RASSF5: variants seen among roughly 807,000 people sequenced by gnomAD.
The protein encoded by RASSF5 is Ras association domain family member 5, also known as ras association domain-containing protein 5.
RASSF5 carries 25 observed loss-of-function variants against 40.5 expected under a neutral mutation model. The ratio of observed to expected loss-of-function variants is 0.62; its 90% CI spans 0.45 to 0.86. RASSF5 has a LOEUF of 0.86. RASSF5 is among the 40% of genes least tolerant of loss of function. RASSF5 has a pLI of 0.00. For missense variants in RASSF5, 521 were observed against 572.8 expected (o/e 0.91, Z 0.92); for synonymous variants, 246 against 252.4 (o/e 0.97, Z 0.24).
rs915301794 is a variant in RASSF5 at position 206,531,502 on chromosome 1, G to A, written c.458-6670G>A. 7.9e-5 allele frequency among the ~76,000 whole-genome samples: 12 copies of A among 152,202 alleles called. No individual in the cohort carries two copies. Among genetic ancestry groups the A allele is most frequent in the African/African-American group, 2.7e-4 (11 of 41,460 alleles). On this transcript the variant is annotated intron_variant, in intron 1 of 5. Coordinates refer to ENST00000579436, the MANE Select transcript of RASSF5 (RefSeq NM_182663.4). This position sits in a 1 kb window ranked among gnomAD's most constrained non-coding sequence, Gnocchi z 4.7. The stretch of plus-strand genomic sequence containing the variant: ...AGGCTGCAGGGTGAGGGTGCAGGGG[G>A]CTGGAGGTGGTGGAGCTGCCCTGGG...
At chr1:206,581,881 AG>A (rs1302068204) in intron 2 of RASSF5, among the ~76,000 whole-genome samples, 1 of 151,744 alleles carries the variant, frequency 6.6e-6, no homozygotes, top group African/African-American at 2.4e-5. Context: ...TCTGTCACGG[AG>A]GGGGGGCCCT....
chr1:206,586,688 G>T (rs923691645), intron 5 of RASSF5, 138 bp from the exon 6 acceptor site: 1 of 712,314 alleles, frequency 1.4e-6, no homozygotes, highest in Admixed American at 2.3e-5. Context: ...CGCTGATTCA[G>T]TCTGTTCAGT....
intron 1 of RASSF5, among the ~76,000 whole-genome samples, chr1:206,526,032 A>G (rs1667088006): frequency 6.6e-6 from 1 of 152,072 alleles, no homozygotes; most frequent in Non-Finnish European, 1.5e-5. Context: ...CTGCTTCCAT[A>G]AAGCCCTCCA....
At chr1:206,575,971 C>G (rs888890360) in intron 2 of RASSF5, among the ~76,000 whole-genome samples, 2 of 152,154 alleles carry the variant, frequency 1.3e-5, no homozygotes, top group Non-Finnish European at 2.9e-5. Flanking sequence ...GCCTGAGACT[C>G]CCCAGGCTGT....
rs1300007942 is a variant in RASSF5, at chr1:206,531,637, G to A, written c.458-6535G>A. Among the ~76,000 whole-genome samples the A allele has an allele frequency of 1.3e-5, 2 of 152,180 alleles. No individual in the cohort carries two copies. The highest frequency in any genetic ancestry group is 2.9e-5 in the Non-Finnish European group (2 of 68,028). ...GGGCAACACCCAGTGGAAAAATGGG[G>A]GATTCTTAAAGGAGAATCCCCTTGA... On this transcript the variant is annotated intron_variant, in intron 1 of 5. Transcript: ENST00000579436. This position sits in a 1 kb window ranked among gnomAD's most constrained non-coding sequence, Gnocchi z 4.7.
At chr1:206,526,516 A>G (rs1667101653) in intron 1 of RASSF5, among the ~76,000 whole-genome samples, 1 of 152,174 alleles carries the variant, frequency 6.6e-6, no homozygotes, top group Admixed American at 6.5e-5. Flanking sequence ...GGGAGTTTCC[A>G]TTCCCTTGCT....
intron 2 of RASSF5, chr1:206,543,586 TG>T (rs1667601860): frequency 6.6e-6 from 1 of 151,370 alleles, no homozygotes; most frequent in African/African-American, 2.5e-5. Flanking sequence ...TGTGTGTGTG[TG>T]TGTGTAAATG....
intron 1 of RASSF5, among the ~76,000 whole-genome samples, chr1:206,523,638 TATATA>T (rs1468679466): frequency 2.9e-5 from 3 of 102,072 alleles, no homozygotes; most frequent in African/African-American, 3.9e-5. Context: ...AAATATATTA[TATATA>T]ATATATTTAT....
chr1:206,529,258 C>A, intron 1 of RASSF5: 2 of 1,146,088 alleles, frequency 1.7e-6, no homozygotes, highest in Non-Finnish European at 1.3e-6. Context: ...TTGGCCCAGG[C>A]TGAGAAGAGA....
intron 1 of RASSF5, among the ~76,000 whole-genome samples, chr1:206,536,763 G>C (rs1322974452): frequency 6.6e-6 from 1 of 152,150 alleles, no homozygotes; most frequent in South Asian, 2.1e-4. Context: ...ATCAAGTCCA[G>C]GCTGTCACGA....
chr1:206,580,351 C>T (rs1444258488), intron 2 of RASSF5, among the ~76,000 whole-genome samples: 5 of 152,186 alleles, frequency 3.3e-5, no homozygotes, highest in Non-Finnish European at 7.3e-5. Flanking sequence ...AATTTTCTTT[C>T]CATTACTTAT....
In RASSF5 at chr1:206,540,628, A is replaced by G. The variant is rs551563727; in HGVS notation, c.579+2335A>G. Among the ~76,000 whole-genome samples the G allele has an allele frequency of 3.3e-5, 5 of 152,336 alleles. No individual in the cohort carries two copies. The South Asian group carries it at 1.0e-3, about 32-fold the overall frequency. ...TGGGGCAGGACCCAGCCCTCTATCA[A>G]TAAAACCTGGGCCCTGCTCCAGGCC... On this transcript the variant is annotated intron_variant, in intron 2 of 5. Coordinates refer to ENST00000579436, the MANE Select transcript of RASSF5 (RefSeq NM_182663.4).
rs1361072072 is a variant in RASSF5, at chr1:206,581,607, A to G, written c.580-1662A>G. 7.4e-5 allele frequency among the ~76,000 whole-genome samples: 11 copies of G among 148,844 alleles called. No individual in the cohort carries two copies. In the Admixed American group the frequency reaches 7.5e-4, roughly 10 times the overall value. On this transcript the variant is annotated intron_variant, in intron 2 of 5. Transcript: ENST00000579436. ...GAGGGAGACGAAAGAAAAGAAAGAA[A>G]GAAAGAGAGAGAGACAGAGAGAGAG...
chr1:206,539,959 C>T (rs1361710301), intron 2 of RASSF5, among the ~76,000 whole-genome samples: 2 of 152,164 alleles, frequency 1.3e-5, no homozygotes, highest in South Asian at 4.1e-4. Flanking sequence ...GCCTGGCTGT[C>T]CCCATTACTT....
In RASSF5 at chr1:206,534,307, C is replaced by G. The variant is rs147864257; in HGVS notation, c.458-3865C>G. Among the ~76,000 whole-genome samples the G allele has an allele frequency of 3.2e-3, 484 of 152,228 alleles. 1 individual carries two copies. Among genetic ancestry groups the G allele is most frequent in the African/African-American group, 0.011 (453 of 41,532 alleles). ...ATCCTGGAAGCACATTTACTTCCCT[C>G]AAAGCATCCCCTAGCAATAGGGATA... On this transcript the variant is annotated intron_variant, in intron 1 of 5. Coordinates refer to ENST00000579436, the MANE Select transcript of RASSF5 (RefSeq NM_182663.4).
chr1:206,514,751 G>A (rs549932376), intron 1 of RASSF5, among the ~76,000 whole-genome samples: 3 of 152,188 alleles, frequency 2.0e-5, no homozygotes, highest in Non-Finnish European at 4.4e-5. Context: ...TCTACTGGAT[G>A]CTAGAGCTGG....
At chr1:206,571,962 C>A (rs1436408915) in intron 2 of RASSF5, among the ~76,000 whole-genome samples, 1 of 152,080 alleles carries the variant, frequency 6.6e-6, no homozygotes, top group Non-Finnish European at 1.5e-5. Flanking sequence ...AAACTTTAGA[C>A]CTCTGAGCTA....
intron 1 of RASSF5, chr1:206,529,544 C>A (rs74148005): frequency 4.0e-6 from 4 of 1,011,146 alleles, no homozygotes; most frequent in Admixed American, 1.7e-5. Context: ...AAGACAAGGG[C>A]GCTTTGGCTA....
intron 2 of RASSF5, among the ~76,000 whole-genome samples, chr1:206,558,703 T>G (rs1303717795): frequency 6.6e-6 from 1 of 152,220 alleles, no homozygotes; most frequent in Non-Finnish European, 1.5e-5. Context: ...ATACTGTACC[T>G]TCCAATTGTG....
Sources: gnomAD v4.1 joint callset for allele counts (sites outside exome capture counted in the v4.1 genomes callset) on GRCh38, gnomAD v4.1.1 for gene constraint, Gnocchi (gnomAD v3.1) non-coding constraint, MANE v1.5 for transcripts, NCBI Gene and HGNC (gene_info 2026-07-23, HGNC 2026-07-21) for gene names.